Variants in PHACTR1 observed in about 807,000 individuals in gnomAD.
PHACTR1 encodes the protein RPEL repeat containing 1.
In PHACTR1, 16 loss-of-function variants were observed where a neutral mutation model predicts 69.2. The ratio of observed to expected loss-of-function variants is 0.23; its 90% CI spans 0.16 to 0.35. The LOEUF (loss-of-function observed/expected upper bound fraction) is 0.35. PHACTR1 is among the 10% of genes least tolerant of loss of function. The pLI is 1.00. For synonymous variants in PHACTR1, 312 were observed against 284.5 expected, an observed-to-expected ratio of 1.10 and a Z score of -0.97; for missense variants, 510 against 734.7, an observed-to-expected ratio of 0.69 and a Z score of 3.54.
Position 12,770,821 on chromosome 6 carries a change from C to T in PHACTR1, c.250+21031C>T, listed in dbSNP as rs150015412. Among the ~76,000 whole-genome samples, 28 of 152,094 alleles carry T rather than the reference C, an allele frequency of 1.8e-4. No homozygotes were observed. In the East Asian group the frequency reaches 2.7e-3, roughly 15 times the overall value. ...GGAGCGATAGAAAACGGGGAGCCTG[C>T]GATAGAAATGCAGAGCCTGGGGACC... On this transcript the variant is annotated intron_variant, in intron 4 of 14. Transcript: ENST00000332995.
At chr6:13,078,345 A>G (rs757991469) in intron 5 of PHACTR1, among the ~76,000 whole-genome samples, 20 of 152,166 alleles carry the variant, frequency 1.3e-4, no homozygotes, top group Non-Finnish European at 2.8e-4. Flanking sequence ...TTTTGTAAAG[A>G]CACCAGTCAT....
rs186461874 is a variant in PHACTR1, at chr6:13,103,577, T to G, written c.415+50048T>G. Reference sequence around the variant, plus strand: ...TTCCAAAACAAAAAGTATATATAATTGTTATTATGGGGTAGAAGTGTTTCT... The same window carrying G: ...TTCCAAAACAAAAAGTATATATAATGGTTATTATGGGGTAGAAGTGTTTCT... On this transcript the variant is annotated intron_variant, in intron 5 of 14. Transcript: ENST00000332995. Among the ~76,000 whole-genome samples, 21 of 152,342 alleles carry G rather than the reference T, an allele frequency of 1.4e-4. No homozygotes were observed. In the East Asian group the frequency reaches 4.0e-3, roughly 29 times the overall value.
At chr6:13,057,806 C>T (rs746321049) in intron 5 of PHACTR1, among the ~76,000 whole-genome samples, 1 of 152,182 alleles carries the variant, frequency 6.6e-6, no homozygotes, top group African/African-American at 2.4e-5. Flanking sequence ...ACCTCCACTT[C>T]GAATGCTACT....
intron 5 of PHACTR1, among the ~76,000 whole-genome samples, chr6:13,135,712 A>AT (rs957307117): frequency 3.3e-5 from 5 of 152,138 alleles, no homozygotes; most frequent in Non-Finnish European, 7.3e-5. Flanking sequence ...ACACATTTTA[A>AT]TTTTTTTAAT....
intron 11 of PHACTR1, among the ~76,000 whole-genome samples, chr6:13,277,743 T>C (rs1026925885): frequency 2.0e-5 from 3 of 151,704 alleles, no homozygotes; most frequent in Non-Finnish European, 2.9e-5. Context: ...ATGCCAGGAG[T>C]TCAAGACCGG....
chr6:12,734,552 C>T (rs1033587826), intron 3 of PHACTR1, among the ~76,000 whole-genome samples: 1 of 152,030 alleles, frequency 6.6e-6, no homozygotes, highest in African/African-American at 2.4e-5. Flanking sequence ...AGGCTAACCT[C>T]AAAGATTGTA....
intron 4 of PHACTR1, among the ~76,000 whole-genome samples, chr6:12,795,134 C>A (rs1420396812): frequency 2.0e-5 from 3 of 152,062 alleles, no homozygotes; most frequent in Non-Finnish European, 2.9e-5. Flanking sequence ...GATGCTCATG[C>A]CACTGATCCA....
Position 13,245,825 on chromosome 6 carries a change from A to C in PHACTR1, c.1391+15632A>C, listed in dbSNP as rs763443601. Among the ~76,000 whole-genome samples, 5 of 152,098 alleles carry C rather than the reference A, an allele frequency of 3.3e-5. No homozygotes were observed. The highest frequency in any genetic ancestry group is 6.6e-5 in the Admixed American group (1 of 15,254). On this transcript the variant is annotated intron_variant, in intron 10 of 14. Transcript: ENST00000332995. The surrounding 1 kb of genome is among the most constrained non-coding windows in gnomAD (Gnocchi z 4.1). ...TAATCTATCTCGAGTTGATTTTTGT[A>C]TATGGTGTAAGGAGCAGGTCCAGTT...
At chr6:13,249,709 G>A (rs997159900) in intron 10 of PHACTR1, among the ~76,000 whole-genome samples, 16 of 147,098 alleles carry the variant, frequency 1.1e-4, no homozygotes, top group Non-Finnish European at 2.1e-4. Context: ...TGAGGCAGGA[G>A]AATCACTTGA....
intron 5 of PHACTR1, among the ~76,000 whole-genome samples, chr6:13,071,634 T>C (rs1397894938): frequency 1.3e-5 from 2 of 152,152 alleles, no homozygotes; most frequent in African/African-American, 2.4e-5. Context: ...AGAAGACTAT[T>C]GTAATGTTTG....
At chr6:13,003,372 T>C (rs937391707) in intron 4 of PHACTR1, among the ~76,000 whole-genome samples, 2 of 152,204 alleles carry the variant, frequency 1.3e-5, no homozygotes, top group Non-Finnish European at 2.9e-5. Context: ...AAAAATAGCA[T>C]GTTTTAAAAT....
intron 4 of PHACTR1, among the ~76,000 whole-genome samples, chr6:12,994,349 A>C (rs1353713591): frequency 1.3e-5 from 2 of 152,174 alleles, no homozygotes; most frequent in Non-Finnish European, 2.9e-5. Flanking sequence ...AGTTAAATCC[A>C]AAAGCATCTG....
At chr6:12,752,324 A>G in intron 4 of PHACTR1, among the ~76,000 whole-genome samples, 1 of 152,224 alleles carries the variant, frequency 6.6e-6, no homozygotes, top group African/African-American at 2.4e-5. Flanking sequence ...TGCTGAACAG[A>G]GAAGCATGCA....
intron 4 of PHACTR1, among the ~76,000 whole-genome samples, chr6:12,756,559 A>G (rs1051171549): frequency 3.9e-5 from 6 of 152,254 alleles, no homozygotes; most frequent in African/African-American, 1.4e-4. Flanking sequence ...GGACAACAGG[A>G]ATAATATCAC....
intron 5 of PHACTR1, among the ~76,000 whole-genome samples, chr6:13,058,546 C>T (rs1015682947): frequency 6.6e-6 from 1 of 152,056 alleles, no homozygotes; most frequent in African/African-American, 2.4e-5. Context: ...TCCTGGCATG[C>T]ATGATATAAT....
At chr6:13,164,875 A>G (rs1483779814) in intron 6 of PHACTR1, among the ~76,000 whole-genome samples, 1 of 152,234 alleles carries the variant, frequency 6.6e-6, no homozygotes, top group African/African-American at 2.4e-5. Context: ...AAGTAATCTC[A>G]AATGTCGACT....
chr6:12,994,623 A>G (rs1000449556), intron 4 of PHACTR1, among the ~76,000 whole-genome samples: 1 of 152,196 alleles, frequency 6.6e-6, no homozygotes, highest in African/African-American at 2.4e-5. Context: ...ACAAAATATG[A>G]TATACAAATG....
At chr6:13,036,785 G>A (rs532248812) in intron 4 of PHACTR1, among the ~76,000 whole-genome samples, 1 of 152,264 alleles carries the variant, frequency 6.6e-6, no homozygotes, top group South Asian at 2.1e-4. Context: ...CTGCCTGTAA[G>A]TAAATAAAGG....
intron 10 of PHACTR1, among the ~76,000 whole-genome samples, chr6:13,260,953 T>C (rs1178770946): frequency 6.6e-6 from 1 of 152,220 alleles, no homozygotes; most frequent in Admixed American, 6.5e-5. Context: ...GACTGAATGA[T>C]CTTTGTGGTG....
Sources: gnomAD v4.1 joint callset for allele counts (sites outside exome capture counted in the v4.1 genomes callset) on GRCh38, gnomAD v4.1.1 for gene constraint, Gnocchi (gnomAD v3.1) non-coding constraint, MANE v1.5 for transcripts, NCBI Gene and HGNC (gene_info 2026-07-23, HGNC 2026-07-21) for gene names.